ROBO2: variants seen among roughly 807,000 people sequenced by gnomAD.
The protein encoded by ROBO2 is roundabout homolog 2.
A neutral mutation model predicts 160.8 loss-of-function variants in ROBO2; 53 were observed. That is an observed-to-expected ratio of 0.33 (90% CI 0.26 to 0.41). ROBO2 has a LOEUF of 0.41. ROBO2 is among the 10% of genes least tolerant of loss of function. The pLI is 1.00. For synonymous variants in ROBO2, 664 were observed against 611.7 expected (o/e 1.09, Z -1.26); for missense variants, 1,577 against 1,722.4 (o/e 0.92, Z 1.49).
exon 20 of ROBO2, chr3:77,602,397 T>C: frequency 6.2e-7 from 1 of 1,614,132 alleles, no homozygotes; most frequent in African/African-American, 1.3e-5. Flanking sequence ...TGGCTGTCGA[T>C]CTGCCTGATC....
Position 76,434,721 on chromosome 3 carries a change from CCA to C in ROBO2, c.109+497120_109+497121del, listed in dbSNP as rs1390559694. 2.8e-6 allele frequency: 3 copies of C among 1,070,000 alleles called. No homozygotes were observed. In the Admixed American group the frequency reaches 5.1e-5, roughly 18 times the overall value. 66.3% of individuals were successfully genotyped at this position (1,070,000 alleles called of 1,614,324 possible). A position where few individuals can be genotyped will look rare whatever the true frequency, so the allele number is the denominator to read the frequency against. ...TCACCAGGCAGGCCCCCCTCCTCCC[CCA>C]GTCTCTACCAGTTGAGGCTCAGATG... is the stretch of plus-strand genomic sequence containing the variant. On this transcript the variant is annotated intron_variant, in intron 2 of 26. Transcript: ENST00000487694.
intron 2 of ROBO2, among the ~76,000 whole-genome samples, chr3:77,164,678 C>G (rs1375466633): frequency 4.5e-5 from 5 of 112,158 alleles, no homozygotes; most frequent in African/African-American, 1.0e-4. Flanking sequence ...GTCAGCCCCC[C>G]GCCTGGCCAG....
chr3:76,035,825 A>T (rs1464885943), intron 2 of ROBO2, among the ~76,000 whole-genome samples: 1 of 152,040 alleles, frequency 6.6e-6, no homozygotes. Context: ...ATCTGATCTT[A>T]CAAGTTATTT....
intron 2 of ROBO2, among the ~76,000 whole-genome samples, chr3:76,639,530 A>C (rs1213718252): frequency 6.6e-6 from 1 of 152,044 alleles, no homozygotes; most frequent in Non-Finnish European, 1.5e-5. Context: ...CTATGAAACG[A>C]GGAGCAGTTT....
chr3:75,959,463 A>G (rs1948831339), intron 2 of ROBO2, among the ~76,000 whole-genome samples: 1 of 151,788 alleles, frequency 6.6e-6, no homozygotes, highest in African/African-American at 2.4e-5. Context: ...CTTGGTCTCT[A>G]GGATGGAGCT....
chr3:77,232,409 A>T (rs76860192), intron 2 of ROBO2, among the ~76,000 whole-genome samples: 1 of 152,250 alleles, frequency 6.6e-6, no homozygotes, highest in African/African-American at 2.4e-5. Context: ...AAGAAAACAG[A>T]ACCAGTGGAA....
chr3:76,568,921 CA>C (rs2084779842), intron 2 of ROBO2, among the ~76,000 whole-genome samples: 1 of 152,214 alleles, frequency 6.6e-6, no homozygotes, highest in African/African-American at 2.4e-5. Context: ...ACTAAATCTG[CA>C]ACTAAATAAA....
intron 2 of ROBO2, among the ~76,000 whole-genome samples, chr3:76,787,027 A>G (rs906112738): frequency 1.3e-5 from 2 of 151,226 alleles, no homozygotes; most frequent in African/African-American, 4.8e-5. Flanking sequence ...GGAGAGAAAG[A>G]TAGCTAAGAG....
intron 2 of ROBO2, among the ~76,000 whole-genome samples, chr3:76,757,522 G>A (rs1254947554): frequency 1.3e-5 from 2 of 151,752 alleles, no homozygotes; most frequent in East Asian, 2.0e-4. Flanking sequence ...GACCTGACTT[G>A]GACTTCTCAG....
At chr3:76,819,021 T>G (rs1005939475) in intron 2 of ROBO2, among the ~76,000 whole-genome samples, 1 of 152,098 alleles carries the variant, frequency 6.6e-6, no homozygotes, top group African/African-American at 2.4e-5. Context: ...CCCAGGATAA[T>G]GCATAAAGGC....
chr3:76,199,501 GAGCTGCCACA>G (rs1702418916), intron 2 of ROBO2, among the ~76,000 whole-genome samples: 1 of 152,102 alleles, frequency 6.6e-6, no homozygotes. Context: ...CTGACCTACA[GAGCTGCCACA>G]AAATAACCCC....
intron 2 of ROBO2, among the ~76,000 whole-genome samples, chr3:76,682,480 T>G (rs9876266): frequency 1.3e-5 from 2 of 151,780 alleles, no homozygotes; most frequent in Non-Finnish European, 2.9e-5. Context: ...ACGATCTCGG[T>G]TCACTGTGAC....
chr3:76,253,012 A>G (rs1390117145), intron 2 of ROBO2, among the ~76,000 whole-genome samples: 1 of 152,020 alleles, frequency 6.6e-6, no homozygotes, highest in East Asian at 1.9e-4. Context: ...ATTATCAAAC[A>G]TATTCTTAAA....
At chr3:76,831,801 C>G (rs1331062735) in intron 2 of ROBO2, among the ~76,000 whole-genome samples, 3 of 152,234 alleles carry the variant, frequency 2.0e-5, no homozygotes, top group African/African-American at 4.8e-5. Context: ...GACCACATAC[C>G]TAAAAACACA....
chr3:77,535,210 CT>C (rs59166969), intron 6 of ROBO2, among the ~76,000 whole-genome samples: 6,586 of 143,356 alleles, frequency 0.046, 453 homozygotes, highest in African/African-American at 0.15. Context: ...TTTTCTTTTT[CT>C]TTTTTTTTTT....
At chr3:77,378,401 C>T (rs1322961687) in intron 2 of ROBO2, among the ~76,000 whole-genome samples, 2 of 152,086 alleles carry the variant, frequency 1.3e-5, no homozygotes, top group African/African-American at 4.8e-5. Context: ...AGGACTTGCT[C>T]AAGAAAACAG....
intron 2 of ROBO2, among the ~76,000 whole-genome samples, chr3:76,215,503 C>T (rs1009294746): frequency 6.2e-4 from 95 of 152,072 alleles, no homozygotes; most frequent in African/African-American, 2.0e-3. Context: ...ACGGGATCTA[C>T]GTGACAAATG....
intron 2 of ROBO2, among the ~76,000 whole-genome samples, chr3:77,323,181 C>T (rs73108153): frequency 0.43 from 63,627 of 148,728 alleles, 16,940 homozygotes; most frequent in Non-Finnish European, 0.6. Context: ...TGACTCCCTC[C>T]ATGTCCATAA....
At chr3:76,915,636 C>T (rs527504838) in intron 2 of ROBO2, among the ~76,000 whole-genome samples, 45 of 146,460 alleles carry the variant, frequency 3.1e-4, no homozygotes, top group African/African-American at 1.1e-3. Context: ...CGTCACTGCA[C>T]TCCAGCCTGG....
Sources: gnomAD v4.1 joint callset for allele counts (sites outside exome capture counted in the v4.1 genomes callset) on GRCh38, gnomAD v4.1.1 for gene constraint, MANE v1.5 for transcripts, NCBI Gene and HGNC (gene_info 2026-07-23, HGNC 2026-07-21) for gene names.